The following PHC2 variants were observed in gnomAD, a reference collection of about 807,000 sequenced individuals.
The protein encoded by PHC2 is polyhomeotic homolog 2, also known as polyhomeotic-like protein 2.
A neutral mutation model predicts 87.4 loss-of-function variants in PHC2; 29 were observed. The ratio of observed to expected loss-of-function variants is 0.33; its 90% CI spans 0.25 to 0.45. PHC2 has a LOEUF of 0.45. PHC2 is among the 20% of genes least tolerant of loss of function. PHC2 has a pLI of 1.00. For synonymous variants in PHC2, 438 were observed against 461.7 expected, an observed-to-expected ratio of 0.95 and a Z score of 0.66; for missense variants, 857 against 1,136.7, an observed-to-expected ratio of 0.75 and a Z score of 3.54.
rs539089346 is a variant in PHC2 at position 33,353,922 on chromosome 1, C to T, written c.1558+479G>A. Among the ~76,000 whole-genome samples, 4 of 152,330 alleles carry T rather than the reference C, an allele frequency of 2.6e-5. No homozygotes were observed. In the East Asian group the frequency reaches 7.7e-4, roughly 29 times the overall value. On this transcript the variant is annotated intron_variant, in intron 9 of 14. Transcript: ENST00000683057. ...GACAGATGGGGATCCCAGAGCTGAG[C>T]AGTTTTCCTCAGAGATGCTTCCTGT...
chr1:33,354,625 T>C, intron 8 of PHC2, 59 bp from the exon 9 acceptor site: 2 of 1,531,372 alleles, frequency 1.3e-6, no homozygotes, highest in Non-Finnish European at 1.8e-6. Flanking sequence ...CATTCTTGGA[T>C]ACTTCCCTGG....
At position 33,380,142 on chromosome 1, in the gene PHC2, C is replaced by T. The variant is rs1648423952; in HGVS notation, c.-54-4549G>A. 2.0e-5 allele frequency among the ~76,000 whole-genome samples: 3 copies of T among 152,290 alleles called. 1 individual carries two copies. The South Asian group carries it at 6.2e-4, about 32-fold the overall frequency. On this transcript the variant is annotated intron_variant, in intron 1 of 14. Transcript: ENST00000683057. ...GTGTGCTCTCTCACTCTCTTGACTG[C>T]TCTCTCTCTCAATCACTTATGTAAA...
At chr1:33,365,481 G>A (rs1222195819) in intron 7 of PHC2, among the ~76,000 whole-genome samples, 3 of 152,196 alleles carry the variant, frequency 2.0e-5, no homozygotes, top group South Asian at 2.1e-4. Flanking sequence ...CAGATGGTCC[G>A]CCAGGGCATG....
At chr1:33,325,462 C>T (rs191115534) in intron 14 of PHC2, 62 of 193,994 alleles carry the variant, frequency 3.2e-4, no homozygotes, top group African/African-American at 1.3e-3. Flanking sequence ...TGGTGGTCCC[C>T]GGCCTCCTTG....
At chr1:33,418,474 A>G (rs1650298917) in intron 1 of PHC2, among the ~76,000 whole-genome samples, 1 of 152,210 alleles carries the variant, frequency 6.6e-6, no homozygotes. Flanking sequence ...CTTTATACCA[A>G]TAACTTAAAC....
At chr1:33,347,330 AGAT>A in intron 9 of PHC2, 1 of 985,448 alleles carries the variant, frequency 1.0e-6, no homozygotes, top group Non-Finnish European at 1.2e-6. Flanking sequence ...ATGGCTGATG[AGAT>A]GATGAGACCC....
intron 2 of PHC2, 33 bp downstream of exon 2, chr1:33,375,333 G>A: frequency 6.8e-7 from 1 of 1,469,010 alleles, no homozygotes; most frequent in Non-Finnish European, 9.2e-7. Flanking sequence ...AGATGATTAA[G>A]GAGTATAATT....
Position 33,368,849 on chromosome 1 carries a change from G to A in PHC2, c.577-227C>T, listed in dbSNP as rs989620476. On this transcript the variant is annotated intron_variant, in intron 5 of 14. Transcript: ENST00000683057. The surrounding 1 kb of genome is among the most constrained non-coding windows in gnomAD (Gnocchi z 6.6). ...AGCGCCTGCCTTTCTCTAGAGGCTC[G>A]TTGCATCCTGACCCAGGCTGGGTGC... is the stretch of plus-strand genomic sequence containing the variant. Among the ~76,000 whole-genome samples the A allele has an allele frequency of 5.9e-5, 9 of 152,100 alleles. No individual in the cohort carries two copies. Among genetic ancestry groups the A allele is most frequent in the African/African-American group, 1.9e-4 (8 of 41,406 alleles).
At chr1:33,411,179 A>G (rs778446462) in intron 1 of PHC2, among the ~76,000 whole-genome samples, 10 of 152,236 alleles carry the variant, frequency 6.6e-5, no homozygotes, top group Non-Finnish European at 1.3e-4. Flanking sequence ...ATTATGGGAG[A>G]AATAAATAAT....
intron 7 of PHC2, among the ~76,000 whole-genome samples, chr1:33,363,532 GCTCT>G (rs1200241984): frequency 1.3e-5 from 2 of 152,150 alleles, no homozygotes; most frequent in Non-Finnish European, 2.9e-5. Context: ...TGCACAAAAC[GCTCT>G]CTGTGTTCAA....
At chr1:33,339,398 G>A (rs939403533) in intron 9 of PHC2, among the ~76,000 whole-genome samples, 26 of 152,128 alleles carry the variant, frequency 1.7e-4, no homozygotes, top group African/African-American at 6.0e-4. Flanking sequence ...GGTGGTACCT[G>A]CCTACCGGAG....
chr1:33,410,368 C>T (rs1649933826), intron 1 of PHC2, among the ~76,000 whole-genome samples: 1 of 152,198 alleles, frequency 6.6e-6, no homozygotes, highest in Non-Finnish European at 1.5e-5. Context: ...GGGAACGTAA[C>T]AGACAGAGCT....
chr1:33,333,939 A>G, intron 10 of PHC2, 151 bp downstream of exon 10: 1 of 689,042 alleles, frequency 1.5e-6, no homozygotes, highest in Non-Finnish European at 2.5e-6. Context: ...AATCCTAGAA[A>G]GAAATGGCTC....
chr1:33,409,396 C>CT (rs1255708089), intron 1 of PHC2, among the ~76,000 whole-genome samples: 1 of 151,734 alleles, frequency 6.6e-6, no homozygotes, highest in Admixed American at 6.6e-5. Flanking sequence ...GTAACAAGAT[C>CT]TTTTTTTAAA....
intron 14 of PHC2, chr1:33,325,293 C>G (rs1354349656): frequency 5.4e-6 from 2 of 369,776 alleles, no homozygotes; most frequent in Non-Finnish European, 9.9e-6. Flanking sequence ...CACTAAAGTG[C>G]TGAGGAAGTG....
intron 1 of PHC2, among the ~76,000 whole-genome samples, chr1:33,411,754 T>C (rs1042771294): frequency 3.3e-5 from 5 of 151,980 alleles, no homozygotes; most frequent in South Asian, 2.1e-4. Flanking sequence ...AGAGGTGGGG[T>C]TTCACCATGT....
intron 1 of PHC2, among the ~76,000 whole-genome samples, chr1:33,425,941 C>T (rs1650650422): frequency 6.6e-6 from 1 of 152,222 alleles, no homozygotes; most frequent in African/African-American, 2.4e-5. Context: ...GGAGGCAACA[C>T]AATCTCAGTC....
chr1:33,329,354 C>A (rs2148189235), intron 13 of PHC2, among the ~76,000 whole-genome samples: 1 of 152,240 alleles, frequency 6.6e-6, no homozygotes, highest in Non-Finnish European at 1.5e-5. Context: ...CACAATACTG[C>A]AATTATCTTT....
intron 1 of PHC2, among the ~76,000 whole-genome samples, chr1:33,419,819 C>A (rs1044480256): frequency 6.6e-6 from 1 of 152,038 alleles, no homozygotes. Flanking sequence ...CCGTGTTAGC[C>A]AGGATGGTCT....
Sources: gnomAD v4.1 joint callset for allele counts (sites outside exome capture counted in the v4.1 genomes callset) on GRCh38, gnomAD v4.1.1 for gene constraint, Gnocchi (gnomAD v3.1) non-coding constraint, MANE v1.5 for transcripts, NCBI Gene and HGNC (gene_info 2026-07-23, HGNC 2026-07-21) for gene names.